The following TMEM131L variants were observed in gnomAD, a reference collection of about 807,000 sequenced individuals.
TMEM131L encodes the protein transmembrane 131 like.
In TMEM131L, 54 loss-of-function variants were observed where a neutral mutation model predicts 192.2. That is an observed-to-expected ratio of 0.28 (90% CI 0.23 to 0.35). The LOEUF (loss-of-function observed/expected upper bound fraction) is 0.35. Among genes scored for constraint, TMEM131L ranks in the 10% least tolerant of loss-of-function variants. The pLI is 1.00. For synonymous variants in TMEM131L, 701 were observed against 704.9 expected (o/e 0.99, Z 0.09); for missense variants, 1,888 against 1,972.9 (o/e 0.96, Z 0.82).
At chr4:153,619,466 G>C (rs1316207481) in intron 26 of TMEM131L, among the ~76,000 whole-genome samples, 1 of 152,142 alleles carries the variant, frequency 6.6e-6, no homozygotes, top group Non-Finnish European at 1.5e-5. Context: ...TAACTTGTCA[G>C]GTTTTTAAAA....
At chr4:153,578,581 C>T (rs1354685463) in intron 7 of TMEM131L, among the ~76,000 whole-genome samples, 2 of 148,478 alleles carry the variant, frequency 1.3e-5, no homozygotes, top group Non-Finnish European at 3.0e-5. Context: ...AGTGCAGTGG[C>T]GCGATCTCGG....
intron 3 of TMEM131L, among the ~76,000 whole-genome samples, chr4:153,543,407 T>TTA: frequency 6.6e-6 from 1 of 152,248 alleles, no homozygotes; most frequent in East Asian, 1.9e-4. Flanking sequence ...ATGTAGAATT[T>TTA]TATAACTATG....
At position 153,518,965 on chromosome 4, in the gene TMEM131L, T is replaced by C. The variant is rs183905456; in HGVS notation, c.240-31108T>C. Among the ~76,000 whole-genome samples, 394 of 152,338 alleles carry C rather than the reference T, an allele frequency of 2.6e-3. 1 individual carries two copies. The highest frequency in any genetic ancestry group is 9.0e-3 in the African/African-American group (374 of 41,572). ...CATCAAGAGACCTTAACCTGGGGTT[T>C]CCTTGCTGTATCTTAAACTTTTGAC... On this transcript the variant is annotated intron_variant, in intron 3 of 34. Coordinates refer to ENST00000409959, the MANE Select transcript of TMEM131L (RefSeq NM_001131007.2).
intron 29 of TMEM131L, among the ~76,000 whole-genome samples, chr4:153,625,428 A>C (rs1372964832): frequency 1.3e-5 from 2 of 152,076 alleles, no homozygotes; most frequent in Non-Finnish European, 2.9e-5. Flanking sequence ...GAAAAACTAC[A>C]AGTGTGTCTT....
chr4:153,625,678 C>T (rs1733792771), intron 29 of TMEM131L, among the ~76,000 whole-genome samples: 1 of 151,976 alleles, frequency 6.6e-6, no homozygotes, highest in Admixed American at 6.6e-5. Flanking sequence ...GAGGCCGAGG[C>T]AGGTGGATCA....
At chr4:153,490,598 G>A (rs556307053) in intron 3 of TMEM131L, among the ~76,000 whole-genome samples, 79 of 152,226 alleles carry the variant, frequency 5.2e-4, no homozygotes, top group African/African-American at 1.9e-3. Flanking sequence ...TAAAGTTATT[G>A]TGAGTACTGG....
At chr4:153,582,422 TTTTTTTTG>T (rs1176244085) in intron 9 of TMEM131L, among the ~76,000 whole-genome samples, 1 of 130,990 alleles carries the variant, frequency 7.6e-6, no homozygotes, top group African/African-American at 3.9e-5. Flanking sequence ...TTTAAACCGT[TTTTTTTTG>T]TTGTTTTTTT....
chr4:153,554,526 C>G (rs979111027), intron 4 of TMEM131L, among the ~76,000 whole-genome samples: 4 of 152,124 alleles, frequency 2.6e-5, no homozygotes, highest in Non-Finnish European at 4.4e-5. Flanking sequence ...GAAGCAACAT[C>G]CATTTCATGT....
At chr4:153,511,988 G>A (rs1322135482) in intron 3 of TMEM131L, among the ~76,000 whole-genome samples, 6 of 152,144 alleles carry the variant, frequency 3.9e-5, no homozygotes, top group Non-Finnish European at 8.8e-5. Flanking sequence ...TTGTTGCAGC[G>A]TAGAATAGAC....
chr4:153,593,652 G>T (rs1224450726), intron 18 of TMEM131L, 147 bp from the exon 19 acceptor site: 4 of 604,412 alleles, frequency 6.6e-6, no homozygotes, highest in Non-Finnish European at 3.1e-6. Flanking sequence ...TGGAATGTCG[G>T]GTGGACAGGA....
At chr4:153,590,386 G>C (rs36068308) in intron 16 of TMEM131L, among the ~76,000 whole-genome samples, 3 of 152,042 alleles carry the variant, frequency 2.0e-5, no homozygotes, top group Non-Finnish European at 2.9e-5. Context: ...CAGGAAGTAC[G>C]TAAATGTCAG....
chr4:153,634,338 G>A, intron 33 of TMEM131L, 58 bp downstream of exon 33: 1 of 1,333,364 alleles, frequency 7.5e-7, no homozygotes, highest in Non-Finnish European at 1.1e-6. Context: ...GGTCAAAGCA[G>A]GAAGTGTGTG....
intron 7 of TMEM131L, among the ~76,000 whole-genome samples, chr4:153,576,743 A>C (rs1280564121): frequency 6.7e-6 from 1 of 150,086 alleles, no homozygotes; most frequent in East Asian, 1.9e-4. Context: ...TTCTTTAAAC[A>C]TTTTTTGAAA....
intron 10 of TMEM131L, 124 bp from the exon 11 acceptor site, chr4:153,583,440 G>A: frequency 1.3e-6 from 1 of 795,180 alleles, no homozygotes; most frequent in Non-Finnish European, 2.2e-6. Flanking sequence ...ATATGGTTAT[G>A]GCACAGATGC....
chr4:153,538,405 G>A lies in TMEM131L; in HGVS notation c.240-11668G>A, dbSNP rs140118290. 3.3e-3 allele frequency among the ~76,000 whole-genome samples: 501 copies of A among 152,252 alleles called. 2 individuals carry two copies. The highest frequency in any genetic ancestry group is 0.011 in the African/African-American group (477 of 41,538). On this transcript the variant is annotated intron_variant, in intron 3 of 34. Transcript: ENST00000409959. ...ACTTCCCAGTTTACATCAGTGCAGG[G>A]CCAAAGCCACCCTAGGCCCCCACCA...
chr4:153,504,001 C>T (rs1021500192), intron 3 of TMEM131L, among the ~76,000 whole-genome samples: 1 of 152,134 alleles, frequency 6.6e-6, no homozygotes, highest in South Asian at 2.1e-4. Context: ...GAGTCTTGCT[C>T]TGTCGCCCAG....
At chr4:153,633,797 C>T (rs554872377) in intron 32 of TMEM131L, among the ~76,000 whole-genome samples, 12 of 152,298 alleles carry the variant, frequency 7.9e-5, no homozygotes, top group Non-Finnish European at 1.2e-4. Context: ...TTATGCTTGT[C>T]TAAGATGAAT....
chr4:153,499,914 C>G (rs7685460), intron 3 of TMEM131L, among the ~76,000 whole-genome samples: 7,101 of 152,246 alleles, frequency 0.047, 229 homozygotes, highest in Admixed American at 0.076. Flanking sequence ...AGACTTGAGA[C>G]AGTTATCACA....
chr4:153,485,173 A>G lies in TMEM131L; in HGVS notation c.239+11285A>G, dbSNP rs114110346. 3.3e-3 allele frequency among the ~76,000 whole-genome samples: 493 copies of G among 151,024 alleles called. 2 individuals are homozygous for G. The highest frequency in any genetic ancestry group is 0.011 in the African/African-American group (457 of 41,104). ...AGCATTTGTTGAGAATTTAAATACT[A>G]CTCACTGTTGATTCGTTTTTATTAT... is the stretch of plus-strand genomic sequence containing the variant. On this transcript the variant is annotated intron_variant, in intron 3 of 34. Transcript: ENST00000409959.
Sources: gnomAD v4.1 joint callset for allele counts (sites outside exome capture counted in the v4.1 genomes callset) on GRCh38, gnomAD v4.1.1 for gene constraint, MANE v1.5 for transcripts, NCBI Gene and HGNC (gene_info 2026-07-23, HGNC 2026-07-21) for gene names.